SLCO1B1: variants seen among roughly 807,000 people sequenced by gnomAD.
SLCO1B1 encodes the protein OATP-2.
In SLCO1B1, 81 loss-of-function variants were observed where a neutral mutation model predicts 70.1. The ratio of observed to expected loss-of-function variants is 1.16; its 90% CI spans 0.97 to 1.39. SLCO1B1 has a LOEUF of 1.39. Among genes scored for constraint, SLCO1B1 ranks in the 40% most tolerant of loss-of-function variants. The pLI is 0.00. For missense variants in SLCO1B1, 895 were observed against 799.6 expected (o/e 1.12, Z -1.44); for synonymous variants, 283 against 271.5 (o/e 1.04, Z -0.42).
At chr12:21,181,091 C>G (rs1202041585) in intron 7 of SLCO1B1, among the ~76,000 whole-genome samples, 1 of 152,166 alleles carries the variant, frequency 6.6e-6, no homozygotes, top group Non-Finnish European at 1.5e-5. Flanking sequence ...TGGTTGTGAA[C>G]TGCTCTCCCC....
chr12:21,213,132 T>G lies in SLCO1B1; in HGVS notation c.1498-3987T>G, dbSNP rs539660647. ...ATGATGTTAGCTGGTTATTTTGCTC[T>G]TTAGTTGACGCAGTTTCTTCCTAGT... On this transcript the variant is annotated intron_variant, in intron 11 of 14. Transcript: ENST00000256958. Among the ~76,000 whole-genome samples the G allele has an allele frequency of 3.3e-3, 500 of 151,952 alleles. 3 individuals are homozygous for G. Among genetic ancestry groups the G allele is most frequent in the African/African-American group, 0.011 (471 of 41,378 alleles).
chr12:21,204,810 T>C (rs762223678), intron 10 of SLCO1B1, among the ~76,000 whole-genome samples: 7 of 151,870 alleles, frequency 4.6e-5, no homozygotes, highest in Non-Finnish European at 8.8e-5. Flanking sequence ...TACCTTCTCA[T>C]TGTGTCCAGG....
At chr12:21,167,343 A>G (rs191666115) in intron 2 of SLCO1B1, among the ~76,000 whole-genome samples, 3 of 152,286 alleles carry the variant, frequency 2.0e-5, no homozygotes, top group African/African-American at 4.8e-5. Flanking sequence ...TGAGAGAGGA[A>G]TGGGGGAGGG....
chr12:21,235,737 G>A (rs1021028171), intron 14 of SLCO1B1, among the ~76,000 whole-genome samples: 3 of 151,998 alleles, frequency 2.0e-5, no homozygotes, highest in African/African-American at 7.3e-5. Flanking sequence ...AACTGATCTG[G>A]TGGTGACATA....
At chr12:21,138,848 T>C (rs1335871758) in intron 1 of SLCO1B1, among the ~76,000 whole-genome samples, 11 of 152,156 alleles carry the variant, frequency 7.2e-5, no homozygotes, top group African/African-American at 2.7e-4. Flanking sequence ...TGTGGTTTCA[T>C]GTGTCTGCAG....
chr12:21,214,779 A>C (rs1291276470), intron 11 of SLCO1B1, among the ~76,000 whole-genome samples: 1 of 152,072 alleles, frequency 6.6e-6, no homozygotes, highest in East Asian at 1.9e-4. Context: ...GCCGTTTTTT[A>C]AGCCCCTCGG....
At position 21,162,733 on chromosome 12, in the gene SLCO1B1, T is replaced by A. The variant is rs544152984; in HGVS notation, c.85-9917T>A. On this transcript the variant is annotated intron_variant, in intron 2 of 14. Transcript: ENST00000256958. ...GTTTCTCTAGTTAAATAACTTTGCA[T>A]CTCTAAACTTTATTATTCTTATTTG... Among the ~76,000 whole-genome samples, 11 of 152,328 alleles carry A rather than the reference T, an allele frequency of 7.2e-5. No individual in the cohort carries two copies. The South Asian group carries it at 8.3e-4, about 11-fold the overall frequency.
chr12:21,140,207 G>C (rs1236470511), intron 1 of SLCO1B1, among the ~76,000 whole-genome samples: 1 of 151,858 alleles, frequency 6.6e-6, no homozygotes, highest in Non-Finnish European at 1.5e-5. Context: ...CATAACTACT[G>C]CAACAAGTAT....
intron 7 of SLCO1B1, among the ~76,000 whole-genome samples, chr12:21,192,599 C>A (rs978738775): frequency 1.3e-5 from 2 of 150,962 alleles, no homozygotes; most frequent in Admixed American, 6.6e-5. Context: ...TTTATTTCTT[C>A]TCTAATCTTT....
At chr12:21,149,926 G>A (rs1940444658) in intron 2 of SLCO1B1, among the ~76,000 whole-genome samples, 2 of 152,158 alleles carry the variant, frequency 1.3e-5, no homozygotes, top group African/African-American at 4.8e-5. Flanking sequence ...CACCCCCATA[G>A]AGCCCAGCAA....
chr12:21,139,334 A>G (rs957025813), intron 1 of SLCO1B1, among the ~76,000 whole-genome samples: 10 of 152,126 alleles, frequency 6.6e-5, no homozygotes, highest in Admixed American at 3.3e-4. Context: ...TACCTCACTG[A>G]ACCCAGAAAC....
At chr12:21,217,380 ATATAC>A in intron 12 of SLCO1B1, 77 bp downstream of exon 12, 1 of 1,077,314 alleles carries the variant, frequency 9.3e-7, no homozygotes, top group Non-Finnish European at 1.4e-6. Flanking sequence ...TTTTTACATA[ATATAC>A]TGGGAATTCA....
intron 5 of SLCO1B1, among the ~76,000 whole-genome samples, chr12:21,177,803 T>C (rs972103787): frequency 1.3e-5 from 2 of 152,024 alleles, no homozygotes; most frequent in African/African-American, 2.4e-5. Context: ...ATAAACACAT[T>C]TGGAAACTTA....
At chr12:21,136,822 C>T (rs1447485147) in intron 1 of SLCO1B1, among the ~76,000 whole-genome samples, 1 of 152,208 alleles carries the variant, frequency 6.6e-6, no homozygotes, top group Non-Finnish European at 1.5e-5. Context: ...AAGCCTTCTT[C>T]TCTCAACTTG....
At chr12:21,156,681 A>G (rs571773575) in intron 2 of SLCO1B1, among the ~76,000 whole-genome samples, 2 of 152,322 alleles carry the variant, frequency 1.3e-5, no homozygotes, top group Admixed American at 1.3e-4. Context: ...GAACCTTTAA[A>G]AAAGCATAAT....
chr12:21,133,363 G>A (rs1159852551), intron 1 of SLCO1B1, among the ~76,000 whole-genome samples: 1 of 152,080 alleles, frequency 6.6e-6, no homozygotes, highest in Non-Finnish European at 1.5e-5. Flanking sequence ...TTCCAATTCT[G>A]TGAAGAAAGT....
chr12:21,177,943 A>G (rs1940841825), intron 5 of SLCO1B1, among the ~76,000 whole-genome samples: 1 of 152,164 alleles, frequency 6.6e-6, no homozygotes, highest in South Asian at 2.1e-4. Flanking sequence ...TTAAATATAT[A>G]ATGGATATAA....
intron 1 of SLCO1B1, among the ~76,000 whole-genome samples, chr12:21,133,000 A>T (rs1187311363): frequency 6.6e-6 from 1 of 151,768 alleles, no homozygotes. Context: ...ATCTTGAATT[A>T]ATTTTTGTGT....
At chr12:21,174,385 C>CT (rs4149094) in intron 3 of SLCO1B1, among the ~76,000 whole-genome samples, 192 bp from the exon 4 acceptor site, 14,261 of 150,984 alleles carry the variant, frequency 0.094, 1,035 homozygotes, top group East Asian at 0.25. Context: ...AATTCAAGTG[C>CT]TTTTTTTTTG....
Sources: gnomAD v4.1 joint callset for allele counts (sites outside exome capture counted in the v4.1 genomes callset) on GRCh38, gnomAD v4.1.1 for gene constraint, MANE v1.5 for transcripts, NCBI Gene and HGNC (gene_info 2026-07-23, HGNC 2026-07-21) for gene names.